Variants in PKP4 observed in about 807,000 individuals in gnomAD.
PKP4 encodes the protein plakophilin 4.
Under a neutral mutation model 145.1 loss-of-function variants are expected in PKP4, and 90 were observed. That is an observed-to-expected ratio of 0.62 (90% CI 0.52 to 0.74). PKP4 has a LOEUF of 0.74. Among genes scored for constraint, PKP4 ranks in the 30% least tolerant of loss-of-function variants. The pLI, the probability that PKP4 is intolerant of heterozygous loss-of-function variation, is 0.00. For synonymous variants in PKP4, 563 were observed against 577.2 expected (o/e 0.98, Z 0.35); for missense variants, 1,340 against 1,482.7 (o/e 0.90, Z 1.58).
At chr2:158,605,523 T>G (rs1399979930) in intron 4 of PKP4, among the ~76,000 whole-genome samples, 1 of 152,180 alleles carries the variant, frequency 6.6e-6, no homozygotes, top group African/African-American at 2.4e-5. Context: ...GCAGGTTTGT[T>G]TTTTTTATGG....
At chr2:158,641,594 C>T (rs1240877868) in intron 10 of PKP4, among the ~76,000 whole-genome samples, 3 of 152,088 alleles carry the variant, frequency 2.0e-5, no homozygotes, top group Non-Finnish European at 4.4e-5. Flanking sequence ...CTTCTTCTGA[C>T]CCACTGTGTT....
At chr2:158,474,505 T>TA (rs1692138467) in intron 1 of PKP4, among the ~76,000 whole-genome samples, 1 of 152,160 alleles carries the variant, frequency 6.6e-6, no homozygotes, top group Admixed American at 6.5e-5. Context: ...AAAAAATTTT[T>TA]TAAAAAACCA....
In PKP4 at chr2:158,625,112, G is replaced by A. The variant is rs138802591; in HGVS notation, c.838G>A (p.Ala280Thr). 1.5e-4 allele frequency: 250 copies of A among 1,614,028 alleles called. No homozygotes were observed. Among genetic ancestry groups the A allele is most frequent in the Admixed American group, 2.7e-4 (16 of 60,012 alleles). Residue 280 changes from alanine (A) to threonine (T), a missense_variant, in exon 7 of 22, where the codon GCC (alanine) becomes ACC (threonine). Ala to Thr is a moderately conservative substitution (Grantham distance 58). Coordinates refer to ENST00000389759, the MANE Select transcript of PKP4 (RefSeq NM_003628.6). The part of the protein sequence containing the change: ...RAASPYSQRP[A>T]SPTAIRRIGS... ...AGCCTCTCCGTACTCACAGAGACCCGCCTCCCCAACAGCTATACGGCGGAT... is the reference window on the plus strand; with the variant it reads ...AGCCTCTCCGTACTCACAGAGACCCACCTCCCCAACAGCTATACGGCGGAT...
At chr2:158,532,750 T>C (rs1165240074) in intron 1 of PKP4, among the ~76,000 whole-genome samples, 1 of 152,242 alleles carries the variant, frequency 6.6e-6, no homozygotes, top group African/African-American at 2.4e-5. Context: ...AAGCTAGCTA[T>C]AGGACTCCAC....
chr2:158,621,191 G>A (rs1243890290), intron 5 of PKP4, 40 bp from the exon 6 acceptor site: 2 of 1,613,006 alleles, frequency 1.2e-6, no homozygotes, highest in Non-Finnish European at 1.7e-6. Context: ...AGTGTCAGAA[G>A]TGTGTATAAT....
At chr2:158,619,349 A>G (rs1177112725) in intron 4 of PKP4, among the ~76,000 whole-genome samples, 2 of 152,232 alleles carry the variant, frequency 1.3e-5, no homozygotes, top group Non-Finnish European at 2.9e-5. Context: ...AAACTGAAGC[A>G]ATCAGAACTG....
chr2:158,483,533 T>C (rs1318088613), intron 1 of PKP4, among the ~76,000 whole-genome samples: 1 of 152,202 alleles, frequency 6.6e-6, no homozygotes, highest in East Asian at 1.9e-4. Flanking sequence ...TGACAAAATA[T>C]GTAATACAGC....
intron 1 of PKP4, among the ~76,000 whole-genome samples, chr2:158,525,892 G>T (rs1394018838): frequency 2.0e-5 from 3 of 150,778 alleles, no homozygotes; most frequent in East Asian, 2.0e-4. Context: ...AGAAGAAATG[G>T]ATAAATTCCT....
intron 2 of PKP4, chr2:158,533,572 C>T (rs2043771221): frequency 3.6e-6 from 2 of 560,088 alleles, no homozygotes; most frequent in South Asian, 1.6e-5. Flanking sequence ...GTCTCTGTCT[C>T]TCCCACATTG....
chr2:158,568,992 TG>T (rs1179698054), intron 2 of PKP4, among the ~76,000 whole-genome samples: 1 of 152,026 alleles, frequency 6.6e-6, no homozygotes, highest in Admixed American at 6.6e-5. Flanking sequence ...GCCATCCGTG[TG>T]GGTGGGGTAT....
chr2:158,540,352 A>C (rs1463958886), intron 2 of PKP4, among the ~76,000 whole-genome samples: 1 of 152,178 alleles, frequency 6.6e-6, no homozygotes, highest in Non-Finnish European at 1.5e-5. Context: ...AGGTGCCCAA[A>C]ATATTTATTA....
intron 4 of PKP4, among the ~76,000 whole-genome samples, chr2:158,607,973 AC>A (rs763315544): frequency 7.9e-5 from 12 of 152,320 alleles, no homozygotes; most frequent in South Asian, 2.1e-4. Context: ...ATAGAAAAAA[AC>A]AATAAGACCT....
At position 158,676,753 on chromosome 2, in the gene PKP4, T is replaced by C; in HGVS notation, c.3142T>C (p.Ser1048Pro). The C allele has an allele frequency of 6.2e-7, 1 of 1,614,142 alleles. No individual in the cohort carries two copies. The highest frequency in any genetic ancestry group is 8.5e-7 in the Non-Finnish European group (1 of 1,180,012). ...PIIQSVGSTS[S>P]SPALLGIRDP... ...TCTCCCTTCAGTCGGCAGCACCTCTTCCTCACCAGCACTGTTAGGAATCAG... is the reference window on the plus strand; with the variant it reads ...TCTCCCTTCAGTCGGCAGCACCTCTCCCTCACCAGCACTGTTAGGAATCAG... Residue 1048 changes from serine (S) to proline (P), a missense_variant, in exon 20 of 22, where the codon TCC becomes CCC. Coordinates refer to ENST00000389759, the MANE Select transcript of PKP4 (RefSeq NM_003628.6).
chr2:158,676,949 C>G, intron 20 of PKP4, 82 bp downstream of exon 20: 2 of 1,537,978 alleles, frequency 1.3e-6, no homozygotes, highest in South Asian at 2.3e-5. Context: ...GGGAAGTAGC[C>G]TGTGCTTGTA....
intron 4 of PKP4, among the ~76,000 whole-genome samples, chr2:158,608,808 CTT>C (rs66933766): frequency 2.4e-3 from 204 of 86,152 alleles, no homozygotes; most frequent in African/African-American, 7.0e-3. Context: ...TCTTTTCTTT[CTT>C]TTTTTTTTTT....
At chr2:158,553,101 C>A (rs1471911007) in intron 2 of PKP4, among the ~76,000 whole-genome samples, 2 of 152,078 alleles carry the variant, frequency 1.3e-5, no homozygotes, top group Non-Finnish European at 2.9e-5. Context: ...CCAAGCAGAG[C>A]GTAGAAGGTA....
At chr2:158,487,874 G>C (rs1694399255) in intron 1 of PKP4, among the ~76,000 whole-genome samples, 2 of 151,986 alleles carry the variant, frequency 1.3e-5, no homozygotes, top group Non-Finnish European at 2.9e-5. Flanking sequence ...TTTAAGAGAA[G>C]CTCTTTGGGG....
intron 3 of PKP4, among the ~76,000 whole-genome samples, chr2:158,599,376 A>G (rs200784600): frequency 4.0e-5 from 6 of 151,318 alleles, no homozygotes. Context: ...AAACAAGGCC[A>G]CCTGCCATAC....
intron 1 of PKP4, among the ~76,000 whole-genome samples, chr2:158,497,554 C>T (rs1238222107): frequency 6.6e-6 from 1 of 152,190 alleles, no homozygotes; most frequent in Non-Finnish European, 1.5e-5. Context: ...ATTCTGGAAA[C>T]TCACAGAGTG....
Sources: gnomAD v4.1 joint callset for allele counts (sites outside exome capture counted in the v4.1 genomes callset) on GRCh38, gnomAD v4.1.1 for gene constraint, MANE v1.5 for transcripts, NCBI Gene and HGNC (gene_info 2026-07-23, HGNC 2026-07-21) for gene names.